MAP4K4: variants seen among roughly 807,000 people sequenced by gnomAD.
MAP4K4 encodes mitogen-activated protein kinase kinase kinase kinase 4, also known as HPK/GCK-like kinase HGK.
In MAP4K4, 38 loss-of-function variants were observed where a neutral mutation model predicts 189.6. That is an observed-to-expected ratio of 0.20 (90% CI 0.15 to 0.26). The LOEUF (loss-of-function observed/expected upper bound fraction) is 0.26. Ranked by LOEUF, MAP4K4 falls within the 10% of genes least tolerant of loss-of-function variation. The pLI is 1.00. For missense variants in MAP4K4, 1,054 were observed against 1,726.9 expected (o/e 0.61, Z 6.91); for synonymous variants, 610 against 624.3 (o/e 0.98, Z 0.34).
intron 2 of MAP4K4, among the ~76,000 whole-genome samples, chr2:101,773,424 T>C (rs1204077979): frequency 6.6e-6 from 1 of 152,232 alleles, no homozygotes; most frequent in African/African-American, 2.4e-5. Context: ...TTGCCTTCAA[T>C]TTTTTTCTTG....
chr2:101,790,695 T>C, intron 2 of MAP4K4, 25 bp from the exon 3 acceptor site: 1 of 1,584,466 alleles, frequency 6.3e-7, no homozygotes, highest in Non-Finnish European at 8.6e-7. Flanking sequence ...GTGCTGATTT[T>C]TGATCTATTT....
At chr2:101,798,020 A>G (rs1420982545) in intron 3 of MAP4K4, among the ~76,000 whole-genome samples, 1 of 150,468 alleles carries the variant, frequency 6.6e-6, no homozygotes, top group Non-Finnish European at 1.5e-5. Flanking sequence ...CTAGACTCAA[A>G]TGATCCCCCC....
intron 3 of MAP4K4, among the ~76,000 whole-genome samples, chr2:101,823,573 A>G (rs1262684177): frequency 6.6e-6 from 1 of 152,176 alleles, no homozygotes; most frequent in Admixed American, 6.5e-5. Flanking sequence ...AGTATCAGTC[A>G]TTTTCCTTTT....
intron 2 of MAP4K4, among the ~76,000 whole-genome samples, chr2:101,719,576 C>T (rs2050482514): frequency 6.6e-6 from 1 of 152,186 alleles, no homozygotes; most frequent in Admixed American, 6.5e-5. Flanking sequence ...GGTGTAAGTA[C>T]AATCAGGGAG....
At chr2:101,704,337 C>G (rs997648329) in intron 2 of MAP4K4, among the ~76,000 whole-genome samples, 1 of 151,890 alleles carries the variant, frequency 6.6e-6, no homozygotes, top group African/African-American at 2.4e-5. Context: ...TCAACCCTTA[C>G]TTTCAAAAAC....
intron 2 of MAP4K4, among the ~76,000 whole-genome samples, chr2:101,774,797 T>C (rs1201613891): frequency 6.6e-6 from 1 of 152,158 alleles, no homozygotes; most frequent in African/African-American, 2.4e-5. Flanking sequence ...GCCCCTCTCA[T>C]GCAGTTCCTT....
intron 2 of MAP4K4, among the ~76,000 whole-genome samples, chr2:101,703,741 C>T (rs2040390324): frequency 6.6e-6 from 1 of 151,358 alleles, no homozygotes; most frequent in Non-Finnish European, 1.5e-5. Context: ...GGGCCGGGCA[C>T]GGTGGCTCAC....
intron 2 of MAP4K4, among the ~76,000 whole-genome samples, chr2:101,703,854 T>C (rs1408202770): frequency 2.6e-5 from 4 of 151,354 alleles, no homozygotes; most frequent in Admixed American, 1.3e-4. Flanking sequence ...CTACTAAAAA[T>C]AGAAAAATTA....
intron 2 of MAP4K4, among the ~76,000 whole-genome samples, chr2:101,722,779 G>T (rs1315067552): frequency 2.0e-5 from 3 of 152,152 alleles, no homozygotes; most frequent in Non-Finnish European, 4.4e-5. Context: ...TAAAATTTTG[G>T]TTTCAGAATT....
intron 31 of MAP4K4, 47 bp downstream of exon 31, chr2:101,887,984 G>C: frequency 6.7e-7 from 1 of 1,487,748 alleles, no homozygotes; most frequent in Non-Finnish European, 9.1e-7. Flanking sequence ...ATGGAGCCGT[G>C]TCTGAGACTC....
At chr2:101,891,443 T>C (rs79544073) in exon 33 of MAP4K4, 2 of 530,176 alleles carry the variant, frequency 3.8e-6, no homozygotes, top group Non-Finnish European at 6.8e-6. Flanking sequence ...TTTTTTTTTT[T>C]CTTACTCCAA....
At chr2:101,709,680 GT>G (rs907754451) in intron 2 of MAP4K4, among the ~76,000 whole-genome samples, 2 of 152,002 alleles carry the variant, frequency 1.3e-5, no homozygotes, top group African/African-American at 4.8e-5. Context: ...CTAGACTGCA[GT>G]TTTCCTTTAT....
At chr2:101,828,743 A>G (rs2096476390) in intron 5 of MAP4K4, among the ~76,000 whole-genome samples, 1 of 152,228 alleles carries the variant, frequency 6.6e-6, no homozygotes. Context: ...GGCGAGCTGT[A>G]TATTTGGCTT....
At chr2:101,841,192 C>T (rs140548248) in intron 10 of MAP4K4, among the ~76,000 whole-genome samples, 1 of 152,180 alleles carries the variant, frequency 6.6e-6, no homozygotes, top group Non-Finnish European at 1.5e-5. Flanking sequence ...GTCACAGTGA[C>T]CTCTTCATTT....
At chr2:101,704,399 C>G (rs1453303773) in intron 2 of MAP4K4, among the ~76,000 whole-genome samples, 13 of 151,978 alleles carry the variant, frequency 8.6e-5, no homozygotes, top group Admixed American at 8.5e-4. Flanking sequence ...AACCACCAAA[C>G]AAAACCCTGC....
chr2:101,833,015 G>A (rs1048167996), intron 7 of MAP4K4, among the ~76,000 whole-genome samples: 8 of 152,136 alleles, frequency 5.3e-5, no homozygotes. Context: ...TCACAGCAGG[G>A]GACATGCAGA....
chr2:101,829,092 C>G (rs912223763), intron 5 of MAP4K4, among the ~76,000 whole-genome samples: 3 of 152,212 alleles, frequency 2.0e-5, no homozygotes, highest in African/African-American at 7.2e-5. Flanking sequence ...TCAAAGCCCT[C>G]TCTTGCCCTT....
exon 16 of MAP4K4, chr2:101,860,945 G>A (rs770562753): frequency 5.6e-6 from 9 of 1,603,902 alleles, no homozygotes; most frequent in South Asian, 3.4e-5. Flanking sequence ...TGGCAACTCC[G>A]AGTCTGTGCA....
At chr2:101,860,951 G>C (rs1229481941) in exon 16 of MAP4K4, 1 of 1,602,916 alleles carries the variant, frequency 6.2e-7, no homozygotes, top group Non-Finnish European at 8.5e-7. Flanking sequence ...CTCCGAGTCT[G>C]TGCATCCCGC....
Sources: allele counts gnomAD v4.1 joint callset (sites outside exome capture counted in the v4.1 genomes callset), GRCh38; gene constraint gnomAD v4.1.1; transcripts MANE v1.5; gene names NCBI Gene and HGNC (gene_info 2026-07-23, HGNC 2026-07-21).